The following CD82 variants were observed in gnomAD, a reference collection of about 807,000 sequenced individuals.
The protein encoded by CD82 is CD82 molecule.
In CD82, 36 loss-of-function variants were observed where a neutral mutation model predicts 37.4. That is an observed-to-expected ratio of 0.96 (90% CI 0.74 to 1.27). CD82 has a LOEUF of 1.27. CD82 is among the 50% of genes most tolerant of loss of function. The pLI, the probability that CD82 is intolerant of heterozygous loss-of-function variation, is 0.00. For missense variants in CD82, 340 were observed against 347.0 expected, an observed-to-expected ratio of 0.98 and a Z score of 0.16; for synonymous variants, 158 against 137.4, an observed-to-expected ratio of 1.15 and a Z score of -1.05.
At position 44,620,008 on chromosome 11, in the gene CD82, T is replaced by C. The variant is rs1853641075; in HGVS notation, c.*882T>C. On this transcript the variant is annotated 3_prime_UTR_variant, in exon 10 of 10. Transcript: ENST00000227155. ...TCCATCTAGACAGCTCAGATTAGCC[T>C]AGGCCATGCCCTAGGGACACGGCCT... 6.6e-6 allele frequency: 1 copy of C among 152,050 alleles called. No individual in the cohort carries two copies. Among genetic ancestry groups the C allele is most frequent in the South Asian group, 2.1e-4 (1 of 4,830 alleles). 9.4% of individuals were successfully genotyped at this position (152,050 alleles called of 1,614,324 possible).
At chr11:44,609,888 C>T (rs1261171082) in intron 6 of CD82, among the ~76,000 whole-genome samples, 3 of 152,172 alleles carry the variant, frequency 2.0e-5, no homozygotes, top group Admixed American at 6.5e-5. Flanking sequence ...CTGAAGCACA[C>T]GCTGGTCACT....
At position 44,605,074 on chromosome 11, in the gene CD82, G is replaced by C. The variant is rs777966335; in HGVS notation, c.153G>C (p.Ser51=). ...TCCCCCTAGAAACCTCCTCCAGCTC[G>C]CTTAGGATGGGGGCCTATGTCTTCA... ...FISVLQTSSS[S]LRMGAYVFIG... Residue 51 remains serine (S), a synonymous_variant, in exon 5 of 10, where the codon TCG becomes TCC. Coordinates refer to ENST00000227155, the MANE Select transcript of CD82 (RefSeq NM_002231.4). The C allele has an allele frequency of 6.2e-7, 1 of 1,614,170 alleles. No homozygotes were observed. Among genetic ancestry groups the C allele is most frequent in the African/African-American group, 1.3e-5 (1 of 75,034 alleles).
intron 2 of CD82, among the ~76,000 whole-genome samples, chr11:44,589,954 C>T (rs1853115978): frequency 6.6e-6 from 1 of 152,150 alleles, no homozygotes; most frequent in Non-Finnish European, 1.5e-5. Flanking sequence ...CTGCCTCAGC[C>T]TCCCAAGTAG....
At chr11:44,599,897 C>T (rs1454443900) in intron 3 of CD82, among the ~76,000 whole-genome samples, 1 of 152,160 alleles carries the variant, frequency 6.6e-6, no homozygotes, top group African/African-American at 2.4e-5. Flanking sequence ...GGAGGCTGCA[C>T]CAGGAGGCTT....
chr11:44,603,745 T>G (rs1342702132), intron 4 of CD82, among the ~76,000 whole-genome samples: 1 of 152,112 alleles, frequency 6.6e-6, no homozygotes, highest in East Asian at 1.9e-4. Context: ...TCTTAGGAAA[T>G]GTTGGCCAAG....
At chr11:44,584,542 C>T (rs1853025945) in intron 1 of CD82, among the ~76,000 whole-genome samples, 1 of 152,142 alleles carries the variant, frequency 6.6e-6, no homozygotes, top group Non-Finnish European at 1.5e-5. Context: ...CCCGCCTCGG[C>T]CTCCCAAAGT....
intron 2 of CD82, among the ~76,000 whole-genome samples, chr11:44,592,219 A>C (rs373685522): frequency 1.2e-3 from 188 of 152,240 alleles, no homozygotes; most frequent in African/African-American, 4.3e-3. Flanking sequence ...CCTTTCCCGG[A>C]CTTTCTGAAA....
chr11:44,600,013 G>T (rs1853284419), intron 3 of CD82, 145 bp from the exon 4 acceptor site: 3 of 715,756 alleles, frequency 4.2e-6, no homozygotes, highest in Non-Finnish European at 7.2e-6. Flanking sequence ...GAGGCCATCT[G>T]GACATCTCTG....
intron 3 of CD82, chr11:44,596,781 C>T (rs1282922375): frequency 5.0e-6 from 2 of 397,696 alleles, no homozygotes; most frequent in Non-Finnish European, 1.0e-5. Flanking sequence ...GTGTATCTGA[C>T]ACCTCAGCAT....
At chr11:44,577,011 A>G (rs1852902427) in intron 1 of CD82, among the ~76,000 whole-genome samples, 2 of 152,044 alleles carry the variant, frequency 1.3e-5, no homozygotes, top group African/African-American at 2.4e-5. Context: ...AGGATCCCAG[A>G]GCTCTTAGCT....
At chr11:44,609,192 G>A (rs1335530644) in intron 6 of CD82, among the ~76,000 whole-genome samples, 7 of 152,162 alleles carry the variant, frequency 4.6e-5, no homozygotes, top group African/African-American at 1.2e-4. Context: ...GGGCTCTGCC[G>A]CTGATTGCTG....
At chr11:44,576,099 C>T (rs888733575) in intron 1 of CD82, among the ~76,000 whole-genome samples, 2 of 152,214 alleles carry the variant, frequency 1.3e-5, no homozygotes, top group African/African-American at 2.4e-5. Flanking sequence ...ACTGACACTT[C>T]AGTAACGTGA....
At chr11:44,600,258 C>T (rs1388219879) in intron 4 of CD82, 28 bp downstream of exon 4, 4 of 1,609,098 alleles carry the variant, frequency 2.5e-6, no homozygotes, top group Non-Finnish European at 3.4e-6. Context: ...TCCCCAGACC[C>T]AGGCCCACTG....
chr11:44,574,374 G>A (rs1364798326), intron 1 of CD82, among the ~76,000 whole-genome samples: 1 of 152,106 alleles, frequency 6.6e-6, no homozygotes, highest in Non-Finnish European at 1.5e-5. Flanking sequence ...AGAAAATAGG[G>A]GATAGAATCT....
chr11:44,608,276 G>A, intron 6 of CD82, among the ~76,000 whole-genome samples: 1 of 152,120 alleles, frequency 6.6e-6, no homozygotes, highest in Non-Finnish European at 1.5e-5. Context: ...GGGTGGGAGT[G>A]ACCCTGCTGT....
chr11:44,598,258 C>A (rs529929045), intron 3 of CD82, among the ~76,000 whole-genome samples: 1 of 152,164 alleles, frequency 6.6e-6, no homozygotes, highest in East Asian at 1.9e-4. Context: ...TTTAAGGTAG[C>A]AAGTACAAGG....
chr11:44,592,795 T>G (rs980144842), intron 2 of CD82, among the ~76,000 whole-genome samples: 1 of 152,170 alleles, frequency 6.6e-6, no homozygotes, highest in African/African-American at 2.4e-5. Context: ...TCTGCAATTC[T>G]CAGACCCAGG....
intron 6 of CD82, among the ~76,000 whole-genome samples, chr11:44,610,160 C>T (rs913092282): frequency 2.6e-5 from 4 of 152,182 alleles, no homozygotes; most frequent in Admixed American, 2.0e-4. Context: ...CTGCACAGCA[C>T]CCCAAGGGGC....
chr11:44,600,218 A>G lies in CD82; in HGVS notation c.124A>G (p.Ile42Val), dbSNP rs756411683. The stretch of plus-strand genomic sequence containing the variant: ...GATCCTGGCCGACAAGAGCAGTTTC[A>G]TCTCTGTCCTGCGTAAGGACCCCTC... ...VWILADKSSF[I>V]SVLQTSSSSL... Residue 42 changes from isoleucine to valine, a missense_variant, in exon 4 of 10, where the codon ATC (isoleucine) becomes GTC (valine). By Grantham distance (29) the Ile-to-Val change is conservative. Transcript: ENST00000227155. 31 of 1,614,002 alleles carry G rather than the reference A, an allele frequency of 1.9e-5. No homozygotes were observed. In the Admixed American group the frequency reaches 5.2e-4, roughly 27 times the overall value.
Sources: allele counts gnomAD v4.1 joint callset (sites outside exome capture counted in the v4.1 genomes callset), GRCh38; gene constraint gnomAD v4.1.1; transcripts MANE v1.5; gene names NCBI Gene and HGNC (gene_info 2026-07-23, HGNC 2026-07-21).